Variants in TMEM143 observed in about 807,000 individuals in gnomAD.
TMEM143 encodes transmembrane protein 143.
In TMEM143, 45 loss-of-function variants were observed where a neutral mutation model predicts 40.3. That is an observed-to-expected ratio of 1.12 (90% CI 0.88 to 1.43). The LOEUF (loss-of-function observed/expected upper bound fraction) is 1.43, where lower values mean the gene tolerates loss of function less well. Among genes scored for constraint, TMEM143 ranks in the 40% most tolerant of loss-of-function variants. The probability of loss-of-function intolerance (pLI) is 0.00; values close to 1 mark genes in which losing one functional copy is unlikely to be tolerated. For synonymous variants in TMEM143, 299 were observed against 282.7 expected (o/e 1.06, Z -0.58); for missense variants, 620 against 613.4 (o/e 1.01, Z -0.11).
intron 6 of TMEM143, among the ~76,000 whole-genome samples, chr19:48,340,144 TGAGA>T (rs1969458604): frequency 9.3e-6 from 1 of 107,054 alleles, no homozygotes; most frequent in Non-Finnish European, 2.0e-5. Flanking sequence ...TTTTTTTTTT[TGAGA>T]TGGAGTCTCA....
intron 3 of TMEM143, among the ~76,000 whole-genome samples, chr19:48,356,821 T>C (rs1171383599): frequency 6.7e-6 from 1 of 149,630 alleles, no homozygotes; most frequent in Non-Finnish European, 1.5e-5. Context: ...CTCGAACTCC[T>C]GACCTCAGGT....
At chr19:48,351,478 A>G (rs951788307) in intron 3 of TMEM143, among the ~76,000 whole-genome samples, 3 of 152,128 alleles carry the variant, frequency 2.0e-5, no homozygotes, top group African/African-American at 7.2e-5. Flanking sequence ...ACCTACAGCA[A>G]TTCCAGTCTT....
rs145918989 is a variant in TMEM143 at position 48,334,156 on chromosome 19, C to T, written c.1017G>A (p.Ala339=). The T allele has an allele frequency of 7.5e-4, 1,214 of 1,608,238 alleles. 7 individuals are homozygous for T. The African/African-American group carries it at 0.012, about 16-fold the overall frequency. Reference sequence around the variant, plus strand: ...ACGTACTGCGATAGTACAGCATGTGCGCCAGCTCCAACGCCTGCGCGCTGC... The same window carrying T: ...ACGTACTGCGATAGTACAGCATGTGTGCCAGCTCCAACGCCTGCGCGCTGC... ...QRRSAQALEL[A]HMLYYRSTSN... Residue 339 remains alanine, a synonymous_variant, in exon 7 of 8, where the codon GCG becomes GCA. Coordinates refer to ENST00000293261, the MANE Select transcript of TMEM143 (RefSeq NM_018273.4).
chr19:48,340,678 C>T (rs1969468403), intron 6 of TMEM143, among the ~76,000 whole-genome samples: 1 of 152,120 alleles, frequency 6.6e-6, no homozygotes, highest in South Asian at 2.1e-4. Context: ...GTCTTCTCCC[C>T]AGAGGCACCG....
rs755134296 is a variant in TMEM143 at position 48,333,398 on chromosome 19, A to T, written c.1201T>A (p.Trp401Arg). 4 of 1,605,450 alleles carry T rather than the reference A, an allele frequency of 2.5e-6. No individual in the cohort carries two copies. The highest frequency in any genetic ancestry group is 3.4e-6 in the Non-Finnish European group (4 of 1,174,352). The change falls in exon 8 of 8, where the codon TGG (tryptophan) becomes AGG (arginine). Residue 401 changes from tryptophan to arginine, a missense_variant. Coordinates refer to ENST00000293261, the MANE Select transcript of TMEM143 (RefSeq NM_018273.4). This position sits in a 1 kb window ranked among gnomAD's most constrained non-coding sequence, Gnocchi z 4.1. Reference sequence around the variant, plus strand: ...TCACAGCCTGACTTGGCTAGGAGCCAGTTCTCCACCTCCGACCGGAGCCAC... The same window carrying T: ...TCACAGCCTGACTTGGCTAGGAGCCTGTTCTCCACCTCCGACCGGAGCCAC... ...SRWLRSEVENWLLAKSGCEVT... is the reference protein window; with the variant it reads ...SRWLRSEVENRLLAKSGCEVT...
intron 6 of TMEM143, among the ~76,000 whole-genome samples, chr19:48,336,121 C>A (rs913704850): frequency 1.3e-5 from 2 of 152,164 alleles, no homozygotes; most frequent in African/African-American, 2.4e-5. Context: ...GTGGCTGACA[C>A]CTGTAATCCC....
chr19:48,345,978 T>G (rs1969620973), intron 3 of TMEM143, among the ~76,000 whole-genome samples: 1 of 150,188 alleles, frequency 6.7e-6, no homozygotes, highest in Non-Finnish European at 1.5e-5. Flanking sequence ...AGAGAAGGGG[T>G]TTCACCATGT....
chr19:48,351,750 C>T (rs1969779427), intron 3 of TMEM143, among the ~76,000 whole-genome samples: 1 of 152,166 alleles, frequency 6.6e-6, no homozygotes, highest in Non-Finnish European at 1.5e-5. Flanking sequence ...CTTCAGGTCT[C>T]TGCTCAAATG....
In TMEM143 at chr19:48,339,948, C is replaced by T. The variant is rs1011921705; in HGVS notation, c.975+2582G>A. 4.7e-5 allele frequency among the ~76,000 whole-genome samples: 7 copies of T among 148,936 alleles called. No individual in the cohort carries two copies. The East Asian group carries it at 6.1e-4, about 13-fold the overall frequency. ...TTCACTACGTTGGCCAGGCTGGTCT[C>T]GAACTCCTGACTGCATGTGATCTGC... On this transcript the variant is annotated intron_variant, in intron 6 of 7. Coordinates refer to ENST00000293261, the MANE Select transcript of TMEM143 (RefSeq NM_018273.4).
intron 6 of TMEM143, among the ~76,000 whole-genome samples, chr19:48,339,663 A>G (rs1053803644): frequency 3.3e-5 from 5 of 152,044 alleles, no homozygotes; most frequent in African/African-American, 1.2e-4. Context: ...TCTGGGAGCA[A>G]CTGAAGCGCA....
At chr19:48,357,125 T>C (rs896143891) in intron 3 of TMEM143, among the ~76,000 whole-genome samples, 1 of 151,300 alleles carries the variant, frequency 6.6e-6, no homozygotes, top group African/African-American at 2.4e-5. Flanking sequence ...GGCTGGTAAT[T>C]TCTGTATTTG....
intron 2 of TMEM143, among the ~76,000 whole-genome samples, chr19:48,362,152 A>G (rs937641545): frequency 3.9e-5 from 6 of 152,036 alleles, no homozygotes; most frequent in Admixed American, 3.9e-4. Flanking sequence ...GTATGCATAT[A>G]CTTGTGTGTA....
At chr19:48,334,319 TCCTACC>T in intron 6 of TMEM143, 122 bp from the exon 7 acceptor site, 1 of 1,067,990 alleles carries the variant, frequency 9.4e-7, no homozygotes, top group South Asian at 1.6e-5. Flanking sequence ...GGCGGGGAGG[TCCTACC>T]CAGACCTCTT....
intron 3 of TMEM143, among the ~76,000 whole-genome samples, chr19:48,347,604 G>A (rs779712327): frequency 7.7e-4 from 114 of 148,906 alleles, no homozygotes; most frequent in African/African-American, 2.5e-3. Context: ...TTGCCCAGGC[G>A]GCAGTGCAGT....
At chr19:48,353,317 T>C (rs1969816489) in intron 3 of TMEM143, among the ~76,000 whole-genome samples, 1 of 151,638 alleles carries the variant, frequency 6.6e-6, no homozygotes. Flanking sequence ...GTAGCTGGGA[T>C]TACAGGCGCC....
chr19:48,342,772 TGGTCCGGGCTGCCA>T lies in TMEM143; in HGVS notation c.719_732del (p.Leu240GlnfsTer165). 6.2e-7 allele frequency: 1 copy of T among 1,610,442 alleles called. No homozygotes were observed. The highest frequency in any genetic ancestry group is 8.5e-7 in the Non-Finnish European group (1 of 1,176,966). On this transcript the variant is annotated frameshift_variant, in exon 6 of 8. Transcript: ENST00000293261. LOFTEE classifies it high-confidence loss of function. ...CTCTTCAGTACCAGGTGTCCCCGTT[TGGTCCGGGCTGCCA>T]GGACCACCCGCTTAAAGTATCTCCT... is the stretch of plus-strand genomic sequence containing the variant.
intron 3 of TMEM143, among the ~76,000 whole-genome samples, chr19:48,354,749 GAGGTCACCCGCCA>G (rs1304947660): frequency 1.3e-5 from 2 of 152,076 alleles, no homozygotes; most frequent in African/African-American, 4.8e-5. Context: ...AGATCAGAGA[GAGGTCACCCGCCA>G]AGGTCACCCG....
chr19:48,350,286 C>T (rs142010739), intron 3 of TMEM143, among the ~76,000 whole-genome samples: 1,917 of 151,956 alleles, frequency 0.013, 43 homozygotes, highest in African/African-American at 0.044. Flanking sequence ...GCTGGGATTA[C>T]AGGCGTGAGC....
chr19:48,346,703 G>A (rs888157503), intron 3 of TMEM143, among the ~76,000 whole-genome samples: 5 of 151,634 alleles, frequency 3.3e-5, no homozygotes, highest in Non-Finnish European at 7.4e-5. Context: ...TCAGCCTCCC[G>A]AGTAGCTGGG....
Sources: allele counts gnomAD v4.1 joint callset (sites outside exome capture counted in the v4.1 genomes callset), GRCh38; gene constraint gnomAD v4.1.1; non-coding constraint Gnocchi (gnomAD v3.1); transcripts MANE v1.5; gene names NCBI Gene and HGNC (gene_info 2026-07-23, HGNC 2026-07-21).